The following AGAP1 variants were observed in gnomAD, a reference collection of about 807,000 sequenced individuals.
The protein encoded by AGAP1 is ArfGAP with GTPase domain, ankyrin repeat and PH domain 1.
A neutral mutation model predicts 105.3 loss-of-function variants in AGAP1; 29 were observed. The ratio of observed to expected loss-of-function variants is 0.28; its 90% CI spans 0.21 to 0.38. AGAP1 has a LOEUF of 0.38. AGAP1 is among the 10% of genes least tolerant of loss of function. The pLI, the probability that AGAP1 is intolerant of heterozygous loss-of-function variation, is 1.00. For missense variants in AGAP1, 998 were observed against 1,165.1 expected (o/e 0.86, Z 2.09); for synonymous variants, 509 against 485.9 (o/e 1.05, Z -0.63).
chr2:235,857,238 A>G (rs746119962), intron 9 of AGAP1, among the ~76,000 whole-genome samples: 13 of 152,166 alleles, frequency 8.5e-5, no homozygotes, highest in Non-Finnish European at 1.6e-4. Context: ...TGCGAACCCT[A>G]TTGAGAACGG....
At chr2:235,576,041 C>T (rs748886675) in intron 1 of AGAP1, among the ~76,000 whole-genome samples, 5 of 152,178 alleles carry the variant, frequency 3.3e-5, no homozygotes, top group East Asian at 3.8e-4. Context: ...TGTCACTGTC[C>T]GTGCACAGCC....
rs1055612499 is a variant in AGAP1, at chr2:236,062,947, A to G, written c.2114+13666A>G. On this transcript the variant is annotated intron_variant, in intron 16 of 17. Coordinates refer to ENST00000304032, the MANE Select transcript of AGAP1 (RefSeq NM_001037131.3). The surrounding 1 kb of genome is among the most constrained non-coding windows in gnomAD (Gnocchi z 4.2). ...AGTGCTGGGATTACAAGTATGAGCC[A>G]CCGTGCCTGGCCATCAGCTATTTTT... Among the ~76,000 whole-genome samples, 1 of 152,074 alleles carries G rather than the reference A, an allele frequency of 6.6e-6. No homozygotes were observed. The highest frequency in any genetic ancestry group is 2.4e-5 in the African/African-American group (1 of 41,410).
intron 4 of AGAP1, among the ~76,000 whole-genome samples, chr2:235,743,507 TG>T (rs1952710895): frequency 6.6e-6 from 1 of 152,176 alleles, no homozygotes; most frequent in South Asian, 2.1e-4. Flanking sequence ...GCACTCTCTG[TG>T]GGAGCTGCTA....
intron 6 of AGAP1, among the ~76,000 whole-genome samples, chr2:235,771,795 T>C: frequency 6.6e-6 from 1 of 152,178 alleles, no homozygotes; most frequent in Non-Finnish European, 1.5e-5. Flanking sequence ...AGAAATGAGT[T>C]CTGAATTTCT....
intron 9 of AGAP1, among the ~76,000 whole-genome samples, chr2:235,859,962 A>G (rs113559178): frequency 0.038 from 5,820 of 152,274 alleles, 377 homozygotes; most frequent in African/African-American, 0.13. Context: ...TTGTAAAGGA[A>G]CTAGGCTGGG....
intron 1 of AGAP1, among the ~76,000 whole-genome samples, chr2:235,626,990 T>C (rs1317066764): frequency 1.3e-5 from 2 of 151,750 alleles, no homozygotes; most frequent in African/African-American, 4.8e-5. Flanking sequence ...CGCATAGATA[T>C]GTTGGGTTTA....
At position 235,610,183 on chromosome 2, in the gene AGAP1, G is replaced by A. The variant is rs902329943; in HGVS notation, c.164-98996G>A. 8.5e-5 allele frequency among the ~76,000 whole-genome samples: 13 copies of A among 152,258 alleles called. No homozygotes were observed. The East Asian group carries it at 2.1e-3, about 25-fold the overall frequency. On this transcript the variant is annotated intron_variant, in intron 1 of 17. Coordinates refer to ENST00000304032, the MANE Select transcript of AGAP1 (RefSeq NM_001037131.3). This position sits in a 1 kb window ranked among gnomAD's most constrained non-coding sequence, Gnocchi z 4.9. Reference sequence around the variant, plus strand: ...TTCTGATCTGTGTTGACTGCTACCCGATAGAGCCACAGTCATCCTGTGTGC... The same window carrying A: ...TTCTGATCTGTGTTGACTGCTACCCAATAGAGCCACAGTCATCCTGTGTGC...
chr2:235,868,541 C>A (rs1372974702), intron 9 of AGAP1, among the ~76,000 whole-genome samples: 1 of 152,176 alleles, frequency 6.6e-6, no homozygotes, highest in South Asian at 2.1e-4. Flanking sequence ...AATGTTCCCT[C>A]TGTGTAACGA....
At chr2:236,016,326 C>T (rs2056700411) in intron 13 of AGAP1, among the ~76,000 whole-genome samples, 1 of 148,942 alleles carries the variant, frequency 6.7e-6, no homozygotes, top group Admixed American at 6.7e-5. Context: ...TGTTTTTCAA[C>T]TTAGCGTGCA....
intron 16 of AGAP1, among the ~76,000 whole-genome samples, chr2:236,068,617 G>A (rs897739876): frequency 1.6e-4 from 24 of 151,174 alleles, no homozygotes; most frequent in East Asian, 2.0e-4. Context: ...TGGCTAACAC[G>A]GTGAAACCCC....
In AGAP1 at chr2:236,104,750, A is replaced by G. The variant is rs781050062; in HGVS notation, c.2115-15442A>G. ...CCAAAAATACAAAAATTAGCTGGGC[A>G]TGGTGATGCGTGCCTGTAATCCCAG... is the stretch of plus-strand genomic sequence containing the variant. On this transcript the variant is annotated intron_variant, in intron 16 of 17. Transcript: ENST00000304032. This position sits in a 1 kb window ranked among gnomAD's most constrained non-coding sequence, Gnocchi z 4.7. 2.0e-5 allele frequency among the ~76,000 whole-genome samples: 3 copies of G among 152,150 alleles called. No individual in the cohort carries two copies. Among genetic ancestry groups the G allele is most frequent in the South Asian group, 2.1e-4 (1 of 4,830 alleles).
chr2:235,762,178 C>T (rs1434054687), intron 6 of AGAP1, among the ~76,000 whole-genome samples: 1 of 151,056 alleles, frequency 6.6e-6, no homozygotes, highest in Non-Finnish European at 1.5e-5. Context: ...TCTAAGTAAA[C>T]TTCACTCATC....
rs2060007832 is a variant in AGAP1 at position 236,126,626 on chromosome 2, A to G, written c.*2504A>G. Reference sequence around the variant, plus strand: ...GTTTTTTCCCTTCCTGGCCCCCAGCACAAGCTGCCATGACTCCCCCTCAGA... The same window carrying G: ...GTTTTTTCCCTTCCTGGCCCCCAGCGCAAGCTGCCATGACTCCCCCTCAGA... On this transcript the variant is annotated 3_prime_UTR_variant, in exon 18 of 18. Coordinates refer to ENST00000304032, the MANE Select transcript of AGAP1 (RefSeq NM_001037131.3). 1 of 152,042 alleles carries G rather than the reference A, an allele frequency of 6.6e-6. No individual in the cohort carries two copies. Among genetic ancestry groups the G allele is most frequent in the African/African-American group, 2.4e-5 (1 of 41,370 alleles). 9.4% of individuals were successfully genotyped at this position (152,042 alleles called of 1,614,324 possible). A position where few individuals can be genotyped will look rare whatever the true frequency, so the allele number is the denominator to read the frequency against.
Position 236,036,141 on chromosome 2 carries a change from GTC to G in AGAP1, c.1646-418_1646-417del, listed in dbSNP as rs1167619301. 6.6e-6 allele frequency among the ~76,000 whole-genome samples: 1 copy of G among 152,132 alleles called. No homozygotes were observed. The highest frequency in any genetic ancestry group is 1.5e-5 in the Non-Finnish European group (1 of 68,006). Reference sequence around the variant, plus strand: ...TCCCGCGTTCCTCTATCCATGGAGTGTCTGTGGATCTACGCGAGTGCTTAGAT... The same window carrying G: ...TCCCGCGTTCCTCTATCCATGGAGTGTGTGGATCTACGCGAGTGCTTAGAT... On this transcript the variant is annotated intron_variant, in intron 13 of 17. Coordinates refer to ENST00000304032, the MANE Select transcript of AGAP1 (RefSeq NM_001037131.3). The surrounding 1 kb of genome is among the most constrained non-coding windows in gnomAD (Gnocchi z 5.7).
chr2:235,987,851 T>C (rs10469602), intron 13 of AGAP1, among the ~76,000 whole-genome samples: 9,709 of 152,212 alleles, frequency 0.064, 1,051 homozygotes, highest in African/African-American at 0.22. Flanking sequence ...ATTCTGTGAC[T>C]TCACCTTGTC....
Position 235,769,799 on chromosome 2 carries a change from C to G in AGAP1, c.673+19311C>G, listed in dbSNP as rs1351462315. Among the ~76,000 whole-genome samples the G allele has an allele frequency of 6.6e-6, 1 of 152,208 alleles. No homozygotes were observed. Among genetic ancestry groups the G allele is most frequent in the African/African-American group, 2.4e-5 (1 of 41,450 alleles). On this transcript the variant is annotated intron_variant, in intron 6 of 17. Coordinates refer to ENST00000304032, the MANE Select transcript of AGAP1 (RefSeq NM_001037131.3). The surrounding 1 kb of genome is among the most constrained non-coding windows in gnomAD (Gnocchi z 4.4). The stretch of plus-strand genomic sequence containing the variant: ...GGCACAGGCGACGCTCCGAGGCAGC[C>G]TGGCTTGTGTTAGCTGAGTTCTGCT...
In AGAP1 at chr2:235,680,452, C is replaced by T. The variant is rs12998963; in HGVS notation, c.164-28727C>T. ...GAAGCACCCTCGTGTCCATTTGGAC[C>T]CGTCTCAGGTGACTTGATGTGTGTG... is the stretch of plus-strand genomic sequence containing the variant. On this transcript the variant is annotated intron_variant, in intron 1 of 17. Coordinates refer to ENST00000304032, the MANE Select transcript of AGAP1 (RefSeq NM_001037131.3). Among the ~76,000 whole-genome samples, 828 of 152,134 alleles carry T rather than the reference C, an allele frequency of 5.4e-3. 5 individuals are homozygous for T. The highest frequency in any genetic ancestry group is 0.027 in the Middle Eastern group (8 of 294).
At chr2:235,809,645 C>T (rs145273480) in intron 9 of AGAP1, among the ~76,000 whole-genome samples, 5 of 152,154 alleles carry the variant, frequency 3.3e-5, no homozygotes, top group African/African-American at 9.6e-5. Context: ...GTGCATCGGA[C>T]GGATTGATGT....
chr2:235,863,174 A>G (rs1349884353), intron 9 of AGAP1, among the ~76,000 whole-genome samples: 11 of 152,366 alleles, frequency 7.2e-5, no homozygotes, highest in Non-Finnish European at 1.2e-4. Flanking sequence ...CCTACTGTCC[A>G]TAAGCTCATG....
Sources: allele counts gnomAD v4.1 joint callset (sites outside exome capture counted in the v4.1 genomes callset), GRCh38; gene constraint gnomAD v4.1.1; non-coding constraint Gnocchi (gnomAD v3.1); transcripts MANE v1.5; gene names NCBI Gene and HGNC (gene_info 2026-07-23, HGNC 2026-07-21).